VWA8: variants seen among roughly 807,000 people sequenced by gnomAD.
The protein encoded by VWA8 is von Willebrand factor A domain containing 8, also known as von Willebrand factor A domain-containing protein 8.
In VWA8, 221 loss-of-function variants were observed where a neutral mutation model predicts 241.5. The ratio of observed to expected loss-of-function variants is 0.91; its 90% confidence interval spans 0.82 to 1.02. The LOEUF (loss-of-function observed/expected upper bound fraction) is 1.02, where lower values mean the gene tolerates loss of function less well. Among genes scored for constraint, VWA8 ranks in the 50% least tolerant of loss-of-function variants. VWA8 has a pLI of 0.00. For missense variants in VWA8, 2,322 were observed against 2,328.7 expected, an observed-to-expected ratio of 1.00 and a Z score of 0.06; for synonymous variants, 852 against 827.1, an observed-to-expected ratio of 1.03 and a Z score of -0.52.
intron 14 of VWA8, among the ~76,000 whole-genome samples, chr13:41,824,325 T>C (rs1328716744): frequency 6.6e-6 from 1 of 152,188 alleles, no homozygotes; most frequent in Non-Finnish European, 1.5e-5. Flanking sequence ...AACAGTGATG[T>C]GATCAAATTT....
chr13:41,907,601 G>C lies in VWA8; in HGVS notation c.468C>G (p.Ala156=). The change falls in exon 4 of 45, where the codon GCC becomes GCG. Residue 156 remains alanine (A), a synonymous_variant. Transcript: ENST00000379310. ...CAGAACTTGCCTGATCAATGTAAAA[G>C]GCTGTGCCTGCACGGATCTCTCGTC... is the stretch of plus-strand genomic sequence containing the variant. ...KQRREIRAGT[A]FYIDQCAVRA... 6.2e-7 allele frequency: 1 copy of C among 1,614,146 alleles called. No homozygotes were observed. Among genetic ancestry groups the C allele is most frequent in the Non-Finnish European group, 8.5e-7 (1 of 1,179,992 alleles).
intron 9 of VWA8, among the ~76,000 whole-genome samples, chr13:41,869,789 T>C (rs1873501914): frequency 6.6e-6 from 1 of 151,364 alleles, no homozygotes; most frequent in Middle Eastern, 3.5e-3. Flanking sequence ...AAGATGAAAA[T>C]AAATTGAAAA....
At chr13:41,826,142 T>TA (rs1309706745) in intron 14 of VWA8, among the ~76,000 whole-genome samples, 3 of 152,018 alleles carry the variant, frequency 2.0e-5, no homozygotes, top group Admixed American at 2.0e-4. Context: ...TAAGTAAAGG[T>TA]AAAAAAATTT....
At chr13:41,942,624 C>T (rs1211553803) in intron 2 of VWA8, among the ~76,000 whole-genome samples, 3 of 152,140 alleles carry the variant, frequency 2.0e-5, no homozygotes, top group East Asian at 1.9e-4. Flanking sequence ...TCCTTCCCAA[C>T]AGTCCTTACA....
At chr13:41,591,878 C>G (rs2044457363) in intron 40 of VWA8, among the ~76,000 whole-genome samples, 1 of 142,714 alleles carries the variant, frequency 7.0e-6, no homozygotes, top group African/African-American at 2.6e-5. Context: ...GGACTGTAAA[C>G]TAGTTCAACC....
intron 20 of VWA8, among the ~76,000 whole-genome samples, chr13:41,772,780 T>C (rs1269257185): frequency 6.6e-6 from 1 of 152,192 alleles, no homozygotes; most frequent in Non-Finnish European, 1.5e-5. Context: ...GGTGCTTGTA[T>C]TTAGCTTCCC....
intron 15 of VWA8, 49 bp from the exon 16 acceptor site, chr13:41,816,824 T>A: frequency 7.3e-7 from 1 of 1,361,996 alleles, no homozygotes. Flanking sequence ...AATCGGGATA[T>A]CTGATCAATC....
chr13:41,943,666 C>T (rs1441971295), intron 2 of VWA8, among the ~76,000 whole-genome samples: 1 of 152,064 alleles, frequency 6.6e-6, no homozygotes, highest in African/African-American at 2.4e-5. Context: ...ACTTTTGCAA[C>T]TCAATAATAA....
Position 41,846,251 on chromosome 13 carries a change from G to T in VWA8, c.1426-12720C>A, listed in dbSNP as rs1452780967. The stretch of plus-strand genomic sequence containing the variant: ...AGTAACAAAATATGAAATCAAGATT[G>T]GTGTAATTATGAATTACCCGTTTGG... On this transcript the variant is annotated intron_variant, in intron 12 of 44. Coordinates refer to ENST00000379310, the MANE Select transcript of VWA8 (RefSeq NM_015058.2). Among the ~76,000 whole-genome samples, 7 of 152,108 alleles carry T rather than the reference G, an allele frequency of 4.6e-5. No homozygotes were observed. The South Asian group carries it at 1.0e-3, about 23-fold the overall frequency.
At chr13:41,657,209 G>T (rs879362077) in intron 37 of VWA8, among the ~76,000 whole-genome samples, 2 of 152,072 alleles carry the variant, frequency 1.3e-5, no homozygotes, top group Admixed American at 1.3e-4. Flanking sequence ...ACCTGATGGA[G>T]AACGACTGTG....
chr13:41,681,931 CG>C (rs1405599284), intron 35 of VWA8, among the ~76,000 whole-genome samples: 1 of 152,034 alleles, frequency 6.6e-6, no homozygotes, highest in Non-Finnish European at 1.5e-5. Context: ...TGAAAGAAGT[CG>C]GAGAGTTATG....
At chr13:41,719,024 T>A (rs2045364678) in intron 26 of VWA8, among the ~76,000 whole-genome samples, 1 of 151,982 alleles carries the variant, frequency 6.6e-6, no homozygotes, top group African/African-American at 2.4e-5. Flanking sequence ...ATGTGCAAGA[T>A]TCTTAACTAA....
chr13:41,720,810 T>C (rs2045383835), intron 25 of VWA8, among the ~76,000 whole-genome samples: 1 of 152,108 alleles, frequency 6.6e-6, no homozygotes, highest in South Asian at 2.1e-4. Context: ...AGACCCTTAT[T>C]TGTTCTGTAA....
chr13:41,813,505 AT>A (rs1397226387), intron 16 of VWA8, among the ~76,000 whole-genome samples: 1 of 152,198 alleles, frequency 6.6e-6, no homozygotes, highest in Non-Finnish European at 1.5e-5. Flanking sequence ...ATCATAAAAA[AT>A]ATTTGACAAA....
At chr13:41,920,279 C>G (rs1013926060) in intron 2 of VWA8, among the ~76,000 whole-genome samples, 3 of 152,108 alleles carry the variant, frequency 2.0e-5, no homozygotes, top group African/African-American at 7.2e-5. Context: ...TTTGAGGCTC[C>G]CCTTCTTCCC....
chr13:41,825,298 G>A (rs896324347), intron 14 of VWA8, among the ~76,000 whole-genome samples: 4 of 152,132 alleles, frequency 2.6e-5, no homozygotes, highest in African/African-American at 4.8e-5. Flanking sequence ...CCAATCATCA[G>A]TCTATAGATA....
At chr13:41,763,330 T>C (rs1038488428) in intron 20 of VWA8, among the ~76,000 whole-genome samples, 2 of 151,760 alleles carry the variant, frequency 1.3e-5, no homozygotes, top group African/African-American at 2.4e-5. Context: ...GATAGATAGA[T>C]AGATAGATAG....
At position 41,587,656 on chromosome 13, in the gene VWA8, T is replaced by C; in HGVS notation, c.5127A>G (p.Gln1709=). ...GELEPQLGSP[Q]QKPKRLRLVV... is the part of the protein sequence containing the mutation. ...CCAGGCGCAGACGCTTGGGTTTCTGTTGTGGGCTGCCAAGCTGAGGGAAGG... is the reference window on the plus strand; with the variant it reads ...CCAGGCGCAGACGCTTGGGTTTCTGCTGTGGGCTGCCAAGCTGAGGGAAGG... The change falls in exon 42 of 45, where the codon CAA becomes CAG. Residue 1709 remains glutamine, a synonymous_variant. Coordinates refer to ENST00000379310, the MANE Select transcript of VWA8 (RefSeq NM_015058.2). 1 of 1,614,148 alleles carries C rather than the reference T, an allele frequency of 6.2e-7. No homozygotes were observed. Among genetic ancestry groups the C allele is most frequent in the Non-Finnish European group, 8.5e-7 (1 of 1,180,024 alleles).
At chr13:41,714,744 T>C (rs2045337871) in intron 26 of VWA8, among the ~76,000 whole-genome samples, 3 of 152,016 alleles carry the variant, frequency 2.0e-5, no homozygotes, top group Admixed American at 2.0e-4. Flanking sequence ...CAAAAGTCTC[T>C]ATTTATCTGC....
Sources: gnomAD v4.1 joint callset for allele counts (sites outside exome capture counted in the v4.1 genomes callset) on GRCh38, gnomAD v4.1.1 for gene constraint, MANE v1.5 for transcripts, NCBI Gene and HGNC (gene_info 2026-07-23, HGNC 2026-07-21) for gene names.